ADAR: variants seen among roughly 807,000 people sequenced by gnomAD.
ADAR encodes the protein adenosine deaminase RNA specific, also known as double-stranded RNA-specific adenosine deaminase.
In ADAR, 41 loss-of-function variants were observed where a neutral mutation model predicts 113.2. That is an observed-to-expected ratio of 0.36 (90% confidence interval 0.28 to 0.47). The LOEUF (loss-of-function observed/expected upper bound fraction) is 0.47. ADAR is among the 20% of genes least tolerant of loss of function. ADAR has a pLI of 1.00. For missense variants in ADAR, 1,242 were observed against 1,540.9 expected, an observed-to-expected ratio of 0.81 and a Z score of 3.25; for synonymous variants, 605 against 572.6, an observed-to-expected ratio of 1.06 and a Z score of -0.81.
Position 154,582,182 on chromosome 1 carries a change from C to T in ADAR, c.*2624G>A, listed in dbSNP as rs891896768. 2.6e-5 allele frequency: 4 copies of T among 152,438 alleles called. No individual in the cohort carries two copies. Among genetic ancestry groups the T allele is most frequent in the East Asian group, 1.9e-4 (1 of 5,186 alleles). 9.4% of individuals were successfully genotyped at this position (152,438 alleles called of 1,614,324 possible). A position where few individuals can be genotyped will look rare whatever the true frequency, so the allele number is the denominator to read the frequency against. On this transcript the variant is annotated 3_prime_UTR_variant, in exon 15 of 15. Coordinates refer to ENST00000368474, the MANE Select transcript of ADAR (RefSeq NM_001111.5). ...GGACTGCAGCCATCATCACAGTACCCGAGTCTATGCTTGGGGGTCTTCCTC... is the reference window on the plus strand; with the variant it reads ...GGACTGCAGCCATCATCACAGTACCTGAGTCTATGCTTGGGGGTCTTCCTC...
chr1:154,627,910 C>G lies in ADAR; in HGVS notation c.-926G>C, dbSNP rs747703401. 9.6e-6 allele frequency: 5 copies of G among 518,214 alleles called. No individual in the cohort carries two copies. In the Admixed American group the frequency reaches 9.7e-5, roughly 10 times the overall value. 32.1% of individuals were successfully genotyped at this position (518,214 alleles called of 1,614,324 possible). On this transcript the variant is annotated 5_prime_UTR_variant, in exon 1 of 15. Transcript: ENST00000368471. ...GACACCCGGAGACTGCCAGTGCGGC[C>G]GCGACCCTCCCCCCACCCTCCCCCA...
intron 11 of ADAR, among the ~76,000 whole-genome samples, chr1:154,587,878 G>T (rs754203921): frequency 9.9e-5 from 15 of 152,272 alleles, no homozygotes; most frequent in African/African-American, 3.4e-4. Flanking sequence ...TCCCTCCTCT[G>T]AGCTCCACAT....
intron 1 of ADAR, among the ~76,000 whole-genome samples, chr1:154,607,355 T>A (rs1322000695): frequency 6.6e-6 from 1 of 152,252 alleles, no homozygotes; most frequent in African/African-American, 2.4e-5. Context: ...GTTAACCTGC[T>A]GAAGGCCATT....
intron 6 of ADAR, among the ~76,000 whole-genome samples, chr1:154,593,135 C>CACAAAA (rs1697261294): frequency 1.3e-5 from 1 of 74,672 alleles, no homozygotes; most frequent in East Asian, 4.3e-4. Context: ...ACTCCATCTC[C>CACAAAA]AAAAAAAAAA....
At position 154,596,963 on chromosome 1, in the gene ADAR, G is replaced by C; in HGVS notation, c.2112C>G (p.Asn704Lys). 6.2e-7 allele frequency: 1 copy of C among 1,614,188 alleles called. No homozygotes were observed. Among genetic ancestry groups the C allele is most frequent in the East Asian group, 2.2e-5 (1 of 44,892 alleles). The stretch of plus-strand genomic sequence containing the variant: ...CCTTGTTGGGCATCATGGATTCCAA[G>C]TTATCAAGTGACTCTGAGATCATAC... ...PEGMISESLDNLESMMPNKVR... is the reference protein window; with the variant it reads ...PEGMISESLDKLESMMPNKVR... The change falls in exon 6 of 15, where the codon AAC (asparagine) becomes AAG (lysine). Residue 704 changes from asparagine (N) to lysine (K), a missense_variant. Asn to Lys is a moderately conservative substitution (Grantham distance 94). Coordinates refer to ENST00000368474, the MANE Select transcript of ADAR (RefSeq NM_001111.5).
At position 154,588,272 on chromosome 1, in the gene ADAR, G is replaced by A; in HGVS notation, c.2886-14C>T. 6.2e-7 allele frequency: 1 copy of A among 1,614,192 alleles called. No homozygotes were observed. The highest frequency in any genetic ancestry group is 8.5e-7 in the Non-Finnish European group (1 of 1,180,044). ...CACGGAGCAGTGCTGAAAAACAGGG[G>A]TGGCTGTTAAAACTCACCTGTGGGA... On this transcript the variant is annotated splice_polypyrimidine_tract_variant and intron_variant, in intron 10 of 14. Transcript: ENST00000368474.
intron 1 of ADAR, among the ~76,000 whole-genome samples, chr1:154,603,389 A>C (rs998855055): frequency 6.6e-6 from 1 of 152,126 alleles, no homozygotes; most frequent in African/African-American, 2.4e-5. Flanking sequence ...CTCACTCTTC[A>C]GTGTGGTACC....
chr1:154,593,249 A>G (rs1266195740), intron 6 of ADAR, among the ~76,000 whole-genome samples: 3 of 152,158 alleles, frequency 2.0e-5, no homozygotes, highest in African/African-American at 4.8e-5. Context: ...AGAAGCAACT[A>G]AAGTATATTA....
intron 7 of ADAR, 108 bp from the exon 8 acceptor site, chr1:154,590,036 CT>C: frequency 6.6e-7 from 1 of 1,509,482 alleles, no homozygotes; most frequent in Non-Finnish European, 9.1e-7. Context: ...TCATCTTTTC[CT>C]TCTTACATCT....
intron 6 of ADAR, among the ~76,000 whole-genome samples, chr1:154,591,363 C>T (rs1697134118): frequency 6.6e-6 from 1 of 152,240 alleles, no homozygotes; most frequent in Non-Finnish European, 1.5e-5. Flanking sequence ...TTCCTATTAG[C>T]TCAAGGGGAC....
chr1:154,595,113 A>G lies in ADAR; in HGVS notation c.2270+1692T>C, dbSNP rs141919564. 4.1e-4 allele frequency among the ~76,000 whole-genome samples: 63 copies of G among 152,362 alleles called. No individual in the cohort carries two copies. In the Middle Eastern group the frequency reaches 0.014, roughly 33 times the overall value. On this transcript the variant is annotated intron_variant, in intron 6 of 14. Coordinates refer to ENST00000368474, the MANE Select transcript of ADAR (RefSeq NM_001111.5). ...CAGGAAGAGGTGAGTGGCGAGCAAG[A>G]AAGCATTCTGGTCCGAGCTCCGCCT...
chr1:154,622,850 TGC>T (rs1400674076), intron 1 of ADAR, among the ~76,000 whole-genome samples: 1 of 152,248 alleles, frequency 6.6e-6, no homozygotes, highest in Non-Finnish European at 1.5e-5. Context: ...ATATACTATA[TGC>T]CAGTATGAGG....
chr1:154,595,777 T>A (rs1697453646), intron 6 of ADAR, among the ~76,000 whole-genome samples: 1 of 152,250 alleles, frequency 6.6e-6, no homozygotes. Context: ...TACATTAGTG[T>A]ACAGTCATGT....
In ADAR at chr1:154,590,323, T is replaced by C; in HGVS notation, c.2357A>G (p.Asp786Gly). Residue 786 changes from aspartate (D) to glycine (G), a missense_variant, in exon 7 of 15, where the codon GAT becomes GGT. Transcript: ENST00000368474. ...CCCAATCAAGACACGGAGAGCCGCA[T>C]CTGCTGCTTCCTGCTTGCCTTGCTT... ...SKKQGKQEAA[D>G]AALRVLIGEN... The C allele has an allele frequency of 1.2e-6, 2 of 1,614,186 alleles. No individual in the cohort carries two copies. Among genetic ancestry groups the C allele is most frequent in the Non-Finnish European group, 1.7e-6 (2 of 1,180,036 alleles).
intron 14 of ADAR, 53 bp downstream of exon 14, chr1:154,585,164 C>G: frequency 4.3e-6 from 7 of 1,614,066 alleles, no homozygotes; most frequent in Non-Finnish European, 5.9e-6. Flanking sequence ...ATGATGCACC[C>G]TTGCAAGTCA....
chr1:154,626,122 G>GA (rs1553218802), intron 1 of ADAR, among the ~76,000 whole-genome samples: 1 of 138,044 alleles, frequency 7.2e-6, no homozygotes, highest in African/African-American at 2.6e-5. Flanking sequence ...AATAAAGTGA[G>GA]TTTTTTTTTT....
At chr1:154,627,505 AGGGCCTTTGGTACCCAGCTGTT>A (rs1016946231) in intron 1 of ADAR, among the ~76,000 whole-genome samples, 107 of 152,304 alleles carry the variant, frequency 7.0e-4, no homozygotes, top group African/African-American at 2.5e-3. Context: ...GAGGGAAACA[AGGGCCTTTGGTACCCAGCTGTT>A]GGGCCTTTGG....
upstream of ADAR, among the ~76,000 whole-genome samples, chr1:154,609,722 C>T (rs1002033147): frequency 1.3e-5 from 2 of 152,182 alleles, no homozygotes; most frequent in African/African-American, 4.8e-5. Flanking sequence ...GCTAAAAACG[C>T]CCCATTCGAT....
At chr1:154,622,652 C>G (rs1359468431) in intron 1 of ADAR, among the ~76,000 whole-genome samples, 1 of 152,180 alleles carries the variant, frequency 6.6e-6, no homozygotes, top group Non-Finnish European at 1.5e-5. Flanking sequence ...TGGGCCTGAC[C>G]TCTGCAGGTT....
Sources: allele counts gnomAD v4.1 joint callset (sites outside exome capture counted in the v4.1 genomes callset), GRCh38; gene constraint gnomAD v4.1.1; transcripts MANE v1.5; gene names NCBI Gene and HGNC (gene_info 2026-07-23, HGNC 2026-07-21).